THSD4: variants seen among roughly 807,000 people sequenced by gnomAD.
The protein encoded by THSD4 is thrombospondin type 1 domain containing 4.
THSD4 carries 69 observed loss-of-function variants against 119.0 expected under a neutral mutation model. The ratio of observed to expected loss-of-function variants is 0.58; its 90% CI spans 0.48 to 0.71. The LOEUF (loss-of-function observed/expected upper bound fraction) is 0.71. Among genes scored for constraint, THSD4 ranks in the 30% least tolerant of loss-of-function variants. The probability of loss-of-function intolerance (pLI) is 0.00; values close to 1 mark genes in which losing one functional copy is unlikely to be tolerated. For synonymous variants in THSD4, 524 were observed against 540.4 expected, an observed-to-expected ratio of 0.97 and a Z score of 0.42; for missense variants, 1,393 against 1,391.1, an observed-to-expected ratio of 1.00 and a Z score of -0.02.
At chr15:71,674,539 A>G (rs1387689916) in intron 8 of THSD4, among the ~76,000 whole-genome samples, 3 of 152,294 alleles carry the variant, frequency 2.0e-5, no homozygotes, top group Middle Eastern at 6.8e-3. Flanking sequence ...TGTTTGAACT[A>G]TGCTGATGCC....
intron 6 of THSD4, among the ~76,000 whole-genome samples, chr15:71,346,121 C>CAT (rs2045657554): frequency 2.3e-5 from 2 of 86,868 alleles, no homozygotes; most frequent in African/African-American, 6.8e-5. Flanking sequence ...TTAGTTGTCG[C>CAT]ATCTCTGGTC....
At chr15:71,197,975 T>C (rs1262838305) in intron 3 of THSD4, among the ~76,000 whole-genome samples, 1 of 152,106 alleles carries the variant, frequency 6.6e-6, no homozygotes, top group Non-Finnish European at 1.5e-5. Context: ...GAGAATGCAG[T>C]CAGGCATGGT....
intron 7 of THSD4, among the ~76,000 whole-genome samples, chr15:71,469,019 A>G (rs1484948584): frequency 6.6e-6 from 1 of 152,214 alleles, no homozygotes; most frequent in Non-Finnish European, 1.5e-5. Context: ...TGTGGAAGAA[A>G]GGGAGAATAA....
At chr15:71,206,264 G>A (rs567842168) in intron 3 of THSD4, among the ~76,000 whole-genome samples, 2 of 152,124 alleles carry the variant, frequency 1.3e-5, no homozygotes, top group Non-Finnish European at 2.9e-5. Flanking sequence ...CGCCCACCTC[G>A]GCCTCCCAAA....
chr15:71,295,615 G>GT (rs1477409809), intron 6 of THSD4, among the ~76,000 whole-genome samples: 2 of 151,910 alleles, frequency 1.3e-5, no homozygotes, highest in Non-Finnish European at 2.9e-5. Flanking sequence ...TCATTGCACA[G>GT]TAAGTATATT....
intron 3 of THSD4, among the ~76,000 whole-genome samples, chr15:71,190,429 C>T (rs1245370886): frequency 6.6e-6 from 1 of 152,144 alleles, no homozygotes; most frequent in Non-Finnish European, 1.5e-5. Context: ...AGGTGGGCTC[C>T]AGCTGCTAGC....
chr15:71,473,686 A>G (rs1297723709), intron 7 of THSD4, among the ~76,000 whole-genome samples: 1 of 152,218 alleles, frequency 6.6e-6, no homozygotes, highest in African/African-American at 2.4e-5. Flanking sequence ...GGGCTGGGGT[A>G]TCAAGGACCC....
chr15:71,630,787 C>T (rs945190839), intron 7 of THSD4, among the ~76,000 whole-genome samples: 3 of 152,186 alleles, frequency 2.0e-5, no homozygotes, highest in African/African-American at 7.2e-5. Flanking sequence ...TCTGTGAGAG[C>T]AGGGTTTTTC....
intron 7 of THSD4, among the ~76,000 whole-genome samples, chr15:71,492,000 C>T (rs1391613375): frequency 6.6e-6 from 1 of 152,036 alleles, no homozygotes; most frequent in Non-Finnish European, 1.5e-5. Context: ...GATGACAAGT[C>T]AGGTGGAATA....
chr15:71,373,626 G>C (rs1212605733), intron 6 of THSD4, among the ~76,000 whole-genome samples: 4 of 152,242 alleles, frequency 2.6e-5, no homozygotes, highest in Admixed American at 2.6e-4. Flanking sequence ...AGACAGCTTC[G>C]AATGGTGGTC....
chr15:71,301,590 G>A (rs900007782), intron 6 of THSD4, among the ~76,000 whole-genome samples: 2 of 152,142 alleles, frequency 1.3e-5, no homozygotes, highest in Middle Eastern at 3.2e-3. Flanking sequence ...CTAGTACTCT[G>A]CCTTTTCCAA....
Position 71,783,264 on chromosome 15 carries a change from C to T in THSD4, c.*5890C>T, listed in dbSNP as rs368446447. The T allele has an allele frequency of 3.3e-5, 5 of 152,032 alleles. No homozygotes were observed. The highest frequency in any genetic ancestry group is 1.2e-4 in the African/African-American group (5 of 41,350). 9.4% of individuals were successfully genotyped at this position (152,032 alleles called of 1,614,324 possible). On this transcript the variant is annotated 3_prime_UTR_variant, in exon 18 of 18. Coordinates refer to ENST00000261862, the MANE Select transcript of THSD4 (RefSeq NM_024817.3). ...TTATTATTGTAAAGATACAATAAAC[C>T]GGTTGAAATATCTGCTTTGTTGACA... is the stretch of plus-strand genomic sequence containing the variant.
intron 7 of THSD4, among the ~76,000 whole-genome samples, chr15:71,546,053 A>G (rs1301069943): frequency 6.6e-6 from 1 of 152,234 alleles, no homozygotes; most frequent in Non-Finnish European, 1.5e-5. Flanking sequence ...ACTGTGTGCC[A>G]GGAACTATGC....
chr15:71,206,169 G>A (rs780716277), intron 3 of THSD4, among the ~76,000 whole-genome samples: 10 of 152,042 alleles, frequency 6.6e-5, no homozygotes, highest in Non-Finnish European at 1.0e-4. Flanking sequence ...GCACCACCAC[G>A]CCTGGCTAAT....
At chr15:71,206,931 T>C (rs567446668) in intron 3 of THSD4, among the ~76,000 whole-genome samples, 1 of 152,334 alleles carries the variant, frequency 6.6e-6, no homozygotes, top group South Asian at 2.1e-4. Context: ...ACAGATCGTA[T>C]GTTTTCATTT....
chr15:71,111,164 C>T, upstream of THSD4: 2 of 1,611,030 alleles, frequency 1.2e-6, no homozygotes, highest in Admixed American at 1.7e-5. Flanking sequence ...TCTCCTCTGA[C>T]CAGATGTGGG....
At chr15:71,551,483 C>A (rs1470717806) in intron 7 of THSD4, among the ~76,000 whole-genome samples, 3 of 152,170 alleles carry the variant, frequency 2.0e-5, no homozygotes, top group Non-Finnish European at 4.4e-5. Flanking sequence ...TGTTGGGGGT[C>A]TTCAAGATAA....
At chr15:71,149,336 C>G (rs1345126382) in intron 2 of THSD4, among the ~76,000 whole-genome samples, 4 of 152,162 alleles carry the variant, frequency 2.6e-5, no homozygotes, top group Non-Finnish European at 5.9e-5. Context: ...AACTCCACCT[C>G]CTGGGTTCAA....
At chr15:71,282,607 A>G (rs9806177) in intron 6 of THSD4, among the ~76,000 whole-genome samples, 109,818 of 151,880 alleles carry the variant, frequency 0.72, 40,250 homozygotes, top group East Asian at 0.85. Flanking sequence ...GTTAACCCAC[A>G]CTTACTTTCC....
Sources: gnomAD v4.1 joint callset for allele counts (sites outside exome capture counted in the v4.1 genomes callset) on GRCh38, gnomAD v4.1.1 for gene constraint, MANE v1.5 for transcripts, NCBI Gene and HGNC (gene_info 2026-07-23, HGNC 2026-07-21) for gene names.